The following KIF13B variants were observed in gnomAD, a reference collection of about 807,000 sequenced individuals.
KIF13B encodes kinesin-like protein KIF13B.
In KIF13B, 127 loss-of-function variants were observed where a neutral mutation model predicts 222.0. That is an observed-to-expected ratio of 0.57 (90% confidence interval 0.50 to 0.66). The LOEUF (loss-of-function observed/expected upper bound fraction) is 0.66, where lower values mean the gene tolerates loss of function less well. Among genes scored for constraint, KIF13B ranks in the 30% least tolerant of loss-of-function variants. KIF13B has a pLI of 0.00. For synonymous variants in KIF13B, 976 were observed against 919.0 expected (o/e 1.06, Z -1.12); for missense variants, 2,173 against 2,379.0 (o/e 0.91, Z 1.80).
At chr8:29,197,245 G>A (rs1813471253) in intron 2 of KIF13B, among the ~76,000 whole-genome samples, 1 of 147,776 alleles carries the variant, frequency 6.8e-6, no homozygotes, top group Non-Finnish European at 1.5e-5. Context: ...GCTGAGGCAG[G>A]AGAATGGCGT....
At chr8:29,127,064 A>G in intron 25 of KIF13B, 58 bp downstream of exon 25, 4 of 1,541,442 alleles carry the variant, frequency 2.6e-6, no homozygotes, top group Non-Finnish European at 3.5e-6. Flanking sequence ...CGGGTTCCAA[A>G]AGGCACTCTG....
At chr8:29,167,708 AG>A in intron 10 of KIF13B, 123 bp from the exon 11 acceptor site, 1 of 755,944 alleles carries the variant, frequency 1.3e-6, no homozygotes, top group Non-Finnish European at 2.2e-6. Context: ...TGACAGAGCC[AG>A]GGCTAAAATG....
intron 6 of KIF13B, among the ~76,000 whole-genome samples, chr8:29,183,168 G>GCT (rs1554614598): frequency 8.5e-6 from 1 of 117,688 alleles, no homozygotes; most frequent in Admixed American, 9.2e-5. Context: ...CTTAAAGTTT[G>GCT]TTTTTTTTTT....
intron 2 of KIF13B, among the ~76,000 whole-genome samples, chr8:29,240,772 T>C (rs963757179): frequency 6.6e-6 from 1 of 152,220 alleles, no homozygotes; most frequent in African/African-American, 2.4e-5. Context: ...AGGCAGGATA[T>C]GCACTCTTTA....
chr8:29,096,058 T>C (rs960797516), intron 36 of KIF13B, among the ~76,000 whole-genome samples: 1 of 151,164 alleles, frequency 6.6e-6, no homozygotes, highest in Non-Finnish European at 1.5e-5. Context: ...CTTGGCTCAC[T>C]GCAGCCTCTG....
chr8:29,226,409 T>A (rs1469482560), intron 2 of KIF13B, among the ~76,000 whole-genome samples: 1 of 152,220 alleles, frequency 6.6e-6, no homozygotes, highest in Non-Finnish European at 1.5e-5. Context: ...AGCTTTTTAC[T>A]GGGCGGGTTC....
chr8:29,154,562 G>A (rs1246175409), intron 14 of KIF13B, among the ~76,000 whole-genome samples: 4 of 152,190 alleles, frequency 2.6e-5, no homozygotes, highest in East Asian at 1.9e-4. Flanking sequence ...TCACAAAATC[G>A]TATCCATGGG....
chr8:29,105,651 T>TG (rs1491206056), intron 35 of KIF13B, among the ~76,000 whole-genome samples: 1 of 11,332 alleles, frequency 8.8e-5, no homozygotes, highest in African/African-American at 1.8e-4. Flanking sequence ...GTTTGTTTGG[T>TG]TTTTTTTTTT....
chr8:29,173,424 C>T (rs1315405498), intron 10 of KIF13B, among the ~76,000 whole-genome samples: 1 of 150,126 alleles, frequency 6.7e-6, no homozygotes, highest in Non-Finnish European at 1.5e-5. Context: ...AGTTCAAGAC[C>T]AGCCTGGGCA....
At chr8:29,181,560 C>T (rs1338820818) in intron 7 of KIF13B, among the ~76,000 whole-genome samples, 1 of 152,090 alleles carries the variant, frequency 6.6e-6, no homozygotes, top group Non-Finnish European at 1.5e-5. Flanking sequence ...CAAAAAAATT[C>T]ACCATGATAC....
intron 35 of KIF13B, among the ~76,000 whole-genome samples, chr8:29,103,789 C>T (rs1490646944): frequency 1.3e-5 from 2 of 152,104 alleles, no homozygotes; most frequent in East Asian, 3.9e-4. Flanking sequence ...ACTTTCCTCT[C>T]GCCTCCCACG....
At chr8:29,120,166 GTTTTTTTTTTTTTT>G (rs57731633) in intron 29 of KIF13B, among the ~76,000 whole-genome samples, 1 of 102,378 alleles carries the variant, frequency 9.8e-6, no homozygotes, top group South Asian at 3.2e-4. Flanking sequence ...AAAAATGACA[GTTTTTTTTTTTTTT>G]TTTTTTTTTT....
chr8:29,229,136 A>C (rs983281944), intron 2 of KIF13B, among the ~76,000 whole-genome samples: 5 of 142,686 alleles, frequency 3.5e-5, no homozygotes, highest in African/African-American at 1.3e-4. Flanking sequence ...TCTTTCCCTT[A>C]TCAGGACACC....
Position 29,262,938 on chromosome 8 carries a change from T to C in KIF13B, c.55+42A>G, listed in dbSNP as rs1349632477. 2.0e-6 allele frequency: 3 copies of C among 1,487,274 alleles called. No homozygotes were observed. The South Asian group carries it at 3.7e-5, about 19-fold the overall frequency. The allele number at this position is 1,487,274 out of a possible 1,614,324, so 92.1% of individuals were successfully genotyped here. The stretch of plus-strand genomic sequence containing the variant: ...CCGAGGGAAGGGCGCGCCAGGCACC[T>C]GCCGCCTCCGCCCCGGCGGCCCAGG... On this transcript the variant is annotated intron_variant, in intron 1 of 39. Coordinates refer to ENST00000524189, the MANE Select transcript of KIF13B (RefSeq NM_015254.4).
At chr8:29,212,516 T>C (rs1444555003) in intron 2 of KIF13B, among the ~76,000 whole-genome samples, 1 of 152,198 alleles carries the variant, frequency 6.6e-6, no homozygotes, top group Non-Finnish European at 1.5e-5. Flanking sequence ...ATTTTCTCAA[T>C]GGAGTTTCTC....
chr8:29,156,695 T>TTA (rs1554608469), intron 13 of KIF13B, among the ~76,000 whole-genome samples: 3 of 144,302 alleles, frequency 2.1e-5, no homozygotes, highest in Admixed American at 6.9e-5. Flanking sequence ...TTTTTTTTTT[T>TTA]TTTTTTGTAG....
intron 11 of KIF13B, among the ~76,000 whole-genome samples, chr8:29,166,800 G>A (rs6558097): frequency 0.51 from 78,000 of 151,860 alleles, 21,541 homozygotes; most frequent in Middle Eastern, 0.63. Flanking sequence ...GAGTTGGTAG[G>A]TTTTCAAATT....
chr8:29,155,570 T>A (rs1586852990), intron 14 of KIF13B, among the ~76,000 whole-genome samples, 156 bp downstream of exon 14: 1 of 151,986 alleles, frequency 6.6e-6, no homozygotes, highest in Admixed American at 6.6e-5. Context: ...AAGGAATGGG[T>A]GTGAGAGGCA....
chr8:29,190,861 T>C, intron 4 of KIF13B, 136 bp downstream of exon 4: 1 of 772,812 alleles, frequency 1.3e-6, no homozygotes, highest in African/African-American at 1.7e-5. Context: ...ATCTTCTGTG[T>C]TGATGACTGT....
Sources: gnomAD v4.1 joint callset for allele counts (sites outside exome capture counted in the v4.1 genomes callset) on GRCh38, gnomAD v4.1.1 for gene constraint, MANE v1.5 for transcripts, NCBI Gene and HGNC (gene_info 2026-07-23, HGNC 2026-07-21) for gene names.